Variants in LRRC69 observed in about 807,000 individuals in gnomAD.
LRRC69 encodes the protein leucine rich repeat containing 69.
LRRC69 carries 42 observed loss-of-function variants against 37.8 expected under a neutral mutation model. The ratio of observed to expected loss-of-function variants is 1.11; its 90% CI spans 0.87 to 1.44. LRRC69 has a LOEUF of 1.44. LRRC69 is among the 40% of genes most tolerant of loss of function. The pLI, the probability that LRRC69 is intolerant of heterozygous loss-of-function variation, is 0.00. For synonymous variants in LRRC69, 141 were observed against 143.1 expected (o/e 0.99, Z 0.11); for missense variants, 357 against 401.9 (o/e 0.89, Z 0.96).
At chr8:91,173,777 G>A (rs1016999005) in intron 5 of LRRC69, among the ~76,000 whole-genome samples, 4 of 152,104 alleles carry the variant, frequency 2.6e-5, no homozygotes, top group Non-Finnish European at 5.9e-5. Flanking sequence ...TTATGTGGTA[G>A]AAGGGTAGAC....
chr8:91,157,644 C>G, intron 5 of LRRC69: 1 of 1,578,610 alleles, frequency 6.3e-7, no homozygotes, highest in Non-Finnish European at 8.7e-7. Flanking sequence ...ATAAAATGCA[C>G]TGGACTTTTA....
intron 7 of LRRC69, among the ~76,000 whole-genome samples, chr8:91,216,384 A>G (rs1390334937): frequency 2.6e-5 from 4 of 152,178 alleles, no homozygotes; most frequent in Non-Finnish European, 5.9e-5. Flanking sequence ...ACTTTCTATT[A>G]TAAACTTTTC....
At chr8:91,197,095 C>A (rs1488772640) in intron 6 of LRRC69, among the ~76,000 whole-genome samples, 1 of 151,792 alleles carries the variant, frequency 6.6e-6, no homozygotes, top group African/African-American at 2.4e-5. Context: ...GTTGGAGTAC[C>A]CTGCGGTGTG....
At chr8:91,190,017 T>C (rs1019705410) in intron 6 of LRRC69, among the ~76,000 whole-genome samples, 4 of 152,196 alleles carry the variant, frequency 2.6e-5, no homozygotes, top group Non-Finnish European at 5.9e-5. Flanking sequence ...CTGTGTTCAC[T>C]TCAGCAAAAC....
intron 5 of LRRC69, among the ~76,000 whole-genome samples, chr8:91,147,692 C>G (rs1343644113): frequency 6.6e-6 from 1 of 151,744 alleles, no homozygotes; most frequent in Non-Finnish European, 1.5e-5. Context: ...TATCATTTTA[C>G]TATTCCTATT....
At chr8:91,129,186 C>T (rs1354885493) in intron 3 of LRRC69, among the ~76,000 whole-genome samples, 1 of 151,958 alleles carries the variant, frequency 6.6e-6, no homozygotes, top group Non-Finnish European at 1.5e-5. Flanking sequence ...AAGAGGACAG[C>T]ATGGGCATCC....
At chr8:91,159,453 T>A (rs1808897829) in intron 5 of LRRC69, among the ~76,000 whole-genome samples, 1 of 151,270 alleles carries the variant, frequency 6.6e-6, no homozygotes, top group Admixed American at 6.6e-5. Flanking sequence ...ATCAATGAAC[T>A]AAACTTGAAC....
At chr8:91,149,591 C>T (rs1274649912) in intron 5 of LRRC69, among the ~76,000 whole-genome samples, 1 of 151,796 alleles carries the variant, frequency 6.6e-6, no homozygotes, top group Non-Finnish European at 1.5e-5. Flanking sequence ...TCCATATGAA[C>T]TTTAAAGTAG....
rs771986461 is a variant in LRRC69 at position 91,176,134 on chromosome 8, A to ATTTTTTTTTTTTTT, written c.652-13376_652-13375insTTTTTTTTTTTTTT. ...ATCCCTCATATATATATATATATATATTTTTTTTTTTTCTTTTTTTTGAGA... is the reference window on the plus strand; with the variant it reads ...ATCCCTCATATATATATATATATATATTTTTTTTTTTTTTTTTTTTTTTTTTCTTTTTTTTGAGA... On this transcript the variant is annotated intron_variant, in intron 5 of 7. Transcript: ENST00000448384. Among the ~76,000 whole-genome samples, 40 of 75,694 alleles carry ATTTTTTTTTTTTTT rather than the reference A, an allele frequency of 5.3e-4. 1 individual carries two copies. Among genetic ancestry groups the ATTTTTTTTTTTTTT allele is most frequent in the African/African-American group, 2.4e-3 (39 of 16,426 alleles). The allele number at this position is 75,694 out of a possible 152,430, so 49.7% of individuals were successfully genotyped here. A position where few individuals can be genotyped will look rare whatever the true frequency, so the allele number is the denominator to read the frequency against.
chr8:91,203,564 T>C (rs1224066654), intron 7 of LRRC69, among the ~76,000 whole-genome samples: 7 of 151,280 alleles, frequency 4.6e-5, no homozygotes, highest in Admixed American at 4.6e-4. Context: ...GGCTTTTTTT[T>C]GTGTGTGTAT....
chr8:91,165,898 A>G (rs1196358142), intron 5 of LRRC69, among the ~76,000 whole-genome samples: 1 of 151,620 alleles, frequency 6.6e-6, no homozygotes, highest in Non-Finnish European at 1.5e-5. Flanking sequence ...TTCTTGGTAT[A>G]TTTCTTTACA....
chr8:91,204,328 A>G (rs375962958), intron 7 of LRRC69, among the ~76,000 whole-genome samples: 9 of 152,232 alleles, frequency 5.9e-5, no homozygotes, highest in African/African-American at 2.2e-4. Flanking sequence ...TTGGTTGAAT[A>G]TATGAATTAA....
chr8:91,109,164 G>A (rs1214473586), intron 1 of LRRC69, among the ~76,000 whole-genome samples: 2 of 150,974 alleles, frequency 1.3e-5, no homozygotes, highest in East Asian at 2.0e-4. Flanking sequence ...TCCAGGAACC[G>A]TTCATGTCTC....
chr8:91,141,295 C>T (rs1411712844), intron 5 of LRRC69, among the ~76,000 whole-genome samples: 2 of 152,038 alleles, frequency 1.3e-5, no homozygotes, highest in Non-Finnish European at 2.9e-5. Flanking sequence ...TTTGTTTTCT[C>T]TTCTTAGAAG....
At chr8:91,192,011 A>C (rs1809506046) in intron 6 of LRRC69, among the ~76,000 whole-genome samples, 1 of 108,078 alleles carries the variant, frequency 9.3e-6, no homozygotes, top group East Asian at 3.0e-4. Context: ...CCACCCCACA[A>C]CAGTCCCCAG....
intron 6 of LRRC69, among the ~76,000 whole-genome samples, chr8:91,196,145 TTTTC>T (rs1563621429): frequency 6.6e-6 from 1 of 152,024 alleles, no homozygotes; most frequent in Non-Finnish European, 1.5e-5. Context: ...TTGAAAATTC[TTTTC>T]TTTAAGAATG....
chr8:91,188,542 C>T (rs1267383313), intron 5 of LRRC69, among the ~76,000 whole-genome samples: 14 of 152,130 alleles, frequency 9.2e-5, no homozygotes. Context: ...TTTCAAGGAC[C>T]TGGTTTACCA....
chr8:91,164,696 A>G (rs1212917413), intron 5 of LRRC69, among the ~76,000 whole-genome samples: 1 of 151,728 alleles, frequency 6.6e-6, no homozygotes, highest in Non-Finnish European at 1.5e-5. Flanking sequence ...TTCATGAGCT[A>G]GGAACTATTA....
intron 6 of LRRC69, among the ~76,000 whole-genome samples, chr8:91,196,775 T>C (rs976977948): frequency 1.3e-5 from 2 of 151,822 alleles, no homozygotes; most frequent in Non-Finnish European, 2.9e-5. Context: ...TTCAACTTCT[T>C]TGCCTTTGGT....
Sources: allele counts gnomAD v4.1 joint callset (sites outside exome capture counted in the v4.1 genomes callset), GRCh38; gene constraint gnomAD v4.1.1; transcripts MANE v1.5; gene names NCBI Gene and HGNC (gene_info 2026-07-23, HGNC 2026-07-21).